The following BUB1B variants were observed in gnomAD, a reference collection of about 807,000 sequenced individuals.
The protein encoded by BUB1B is mitotic checkpoint serine/threonine-protein kinase BUB1 beta.
A neutral mutation model predicts 137.7 loss-of-function variants in BUB1B; 86 were observed. The ratio of observed to expected loss-of-function variants is 0.62; its 90% CI spans 0.52 to 0.75. The LOEUF is 0.75. Ranked by LOEUF, BUB1B falls within the 30% of genes least tolerant of loss-of-function variation. The pLI, the probability that BUB1B is intolerant of heterozygous loss-of-function variation, is 0.00. For missense variants in BUB1B, 1,130 were observed against 1,236.9 expected (o/e 0.91, Z 1.30); for synonymous variants, 420 against 417.9 (o/e 1.00, Z -0.06).
At chr15:40,171,878 AT>A (rs2037166784) in intron 4 of BUB1B, among the ~76,000 whole-genome samples, 1 of 152,172 alleles carries the variant, frequency 6.6e-6, no homozygotes, top group Non-Finnish European at 1.5e-5. Context: ...TATTAAAAAA[AT>A]GACCACCGTT....
rs2037500999 is a variant in BUB1B at position 40,196,628 on chromosome 15, G to C, written c.1142G>C (p.Arg381Thr). The C allele has an allele frequency of 1.2e-6, 2 of 1,613,990 alleles. No homozygotes were observed. Among genetic ancestry groups the C allele is most frequent in the Non-Finnish European group, 1.7e-6 (2 of 1,179,926 alleles). ...AAGGAAGAAGGAGATCCTCTACAAA[G>C]GGTTCAGAGCCATCAGCAAGCGTCT... ...PGKEEGDPLQRVQSHQQASEE... is the reference protein window; with the variant it reads ...PGKEEGDPLQTVQSHQQASEE... The change falls in exon 9 of 23, where the codon AGG becomes ACG. Residue 381 changes from arginine (R) to threonine (T), a missense_variant. Transcript: ENST00000287598.
At chr15:40,190,823 C>T (rs2037427337) in intron 8 of BUB1B, among the ~76,000 whole-genome samples, 1 of 151,942 alleles carries the variant, frequency 6.6e-6, no homozygotes, top group South Asian at 2.1e-4. Context: ...AAGGATGATT[C>T]ACATCCTAGG....
chr15:40,191,044 C>T (rs1595523265), intron 8 of BUB1B, among the ~76,000 whole-genome samples: 1 of 152,048 alleles, frequency 6.6e-6, no homozygotes, highest in Non-Finnish European at 1.5e-5. Flanking sequence ...TGTGCCATCA[C>T]ACCCAGGTAA....
intron 5 of BUB1B, among the ~76,000 whole-genome samples, chr15:40,183,073 GT>G (rs1012697151): frequency 2.0e-5 from 3 of 151,920 alleles, no homozygotes; most frequent in African/African-American, 7.2e-5. Context: ...GTTTTTTGGG[GT>G]TTTTTTTACC....
intron 1 of BUB1B, among the ~76,000 whole-genome samples, chr15:40,163,322 C>T (rs981535175): frequency 6.6e-6 from 1 of 152,102 alleles, no homozygotes; most frequent in African/African-American, 2.4e-5. Flanking sequence ...ACCTGTAATC[C>T]CAGCACTTCG....
chr15:40,192,172 T>C (rs2037446471), intron 8 of BUB1B, among the ~76,000 whole-genome samples: 1 of 152,238 alleles, frequency 6.6e-6, no homozygotes, highest in African/African-American at 2.4e-5. Flanking sequence ...TTCAGTGTTT[T>C]GTAGGTTTCA....
chr15:40,220,912 T>C lies in BUB1B; in HGVS notation c.*153T>C. 1 of 811,906 alleles carries C rather than the reference T, an allele frequency of 1.2e-6. No homozygotes were observed. The highest frequency in any genetic ancestry group is 2.7e-5 in the East Asian group (1 of 37,492). The allele number at this position is 811,906 out of a possible 1,614,324, so 50.3% of individuals were successfully genotyped here. On this transcript the variant is annotated 3_prime_UTR_variant, in exon 23 of 23. Transcript: ENST00000287598. ...TGGTACAGGTATATTTTGACGTCAC[T>C]GATATTTTTTATACAGTGATATACT...
Position 40,199,645 on chromosome 15 carries a change from C to G in BUB1B, c.1319C>G (p.Ala440Gly), listed in dbSNP as rs1301920527. The G allele has an allele frequency of 6.2e-7, 1 of 1,613,892 alleles. No homozygotes were observed. Among genetic ancestry groups the G allele is most frequent in the Admixed American group, 1.7e-5 (1 of 60,006 alleles). ...AELLTSAEKR[A>G]EMQKQIEEME... ...CTATTGACCAGTGCAGAGAAGAGAG[C>G]AGAAATGCAGAAACAGATTGAAGAG... The change falls in exon 10 of 23, where the codon GCA (alanine) becomes GGA (glycine). Residue 440 changes from alanine (A) to glycine (G), a missense_variant. Ala to Gly is a moderately conservative substitution (Grantham distance 60). Coordinates refer to ENST00000287598, the MANE Select transcript of BUB1B (RefSeq NM_001211.6).
intron 5 of BUB1B, among the ~76,000 whole-genome samples, chr15:40,178,428 T>C (rs2037246278): frequency 6.6e-6 from 1 of 152,096 alleles, no homozygotes; most frequent in Non-Finnish European, 1.5e-5. Flanking sequence ...TCAGAGAACA[T>C]AAGGTATATG....
At chr15:40,219,498 A>C (rs142381701) in intron 22 of BUB1B, among the ~76,000 whole-genome samples, 11 of 151,952 alleles carry the variant, frequency 7.2e-5, no homozygotes, top group Non-Finnish European at 1.6e-4. Context: ...GAGGCAGATT[A>C]CCTGAGGTCA....
intron 2 of BUB1B, 138 bp from the exon 3 acceptor site, chr15:40,169,924 T>C (rs2037142683): frequency 1.2e-6 from 1 of 809,282 alleles, no homozygotes; most frequent in African/African-American, 1.7e-5. Flanking sequence ...TTTTCTATTC[T>C]ATAACAAACC....
At chr15:40,161,343 G>A in intron 1 of BUB1B, 88 bp downstream of exon 1, 1 of 1,471,138 alleles carries the variant, frequency 6.8e-7, no homozygotes, top group Non-Finnish European at 9.2e-7. Context: ...GCAGTCGAGG[G>A]GGAGATCGGC....
At chr15:40,162,104 G>T (rs971625434) in intron 1 of BUB1B, among the ~76,000 whole-genome samples, 2 of 152,150 alleles carry the variant, frequency 1.3e-5, no homozygotes, top group African/African-American at 4.8e-5. Flanking sequence ...TGGGGGTGGG[G>T]ATTGGTGCAA....
At chr15:40,179,368 T>A (rs542581291) in intron 5 of BUB1B, among the ~76,000 whole-genome samples, 15 of 152,192 alleles carry the variant, frequency 9.9e-5, no homozygotes, top group Non-Finnish European at 8.8e-5. Flanking sequence ...ATAATACTGT[T>A]ATATTTGCGT....
intron 8 of BUB1B, 56 bp from the exon 9 acceptor site, chr15:40,196,489 C>T: frequency 7.0e-7 from 1 of 1,437,010 alleles, no homozygotes; most frequent in Non-Finnish European, 9.7e-7. Context: ...TTTTATCAAT[C>T]TTATTGATTT....
intron 8 of BUB1B, 138 bp downstream of exon 8, chr15:40,185,780 C>A (rs1255202357): frequency 3.7e-6 from 3 of 821,908 alleles, no homozygotes; most frequent in South Asian, 1.4e-5. Flanking sequence ...CACCTGTAAT[C>A]CCAGCACAGG....
intron 5 of BUB1B, among the ~76,000 whole-genome samples, chr15:40,180,209 A>G (rs891297811): frequency 6.7e-6 from 1 of 148,552 alleles, no homozygotes; most frequent in Non-Finnish European, 1.5e-5. Flanking sequence ...TTCCTGAAAA[A>G]TATTTTTACT....
intron 5 of BUB1B, among the ~76,000 whole-genome samples, chr15:40,177,532 A>G (rs906906925): frequency 3.3e-5 from 5 of 152,108 alleles, no homozygotes; most frequent in Non-Finnish European, 7.4e-5. Flanking sequence ...AAATCAGTTG[A>G]TCATATTCAT....
At chr15:40,215,118 C>CT (rs1363017750) in intron 20 of BUB1B, among the ~76,000 whole-genome samples, 2 of 152,118 alleles carry the variant, frequency 1.3e-5, no homozygotes, top group Non-Finnish European at 2.9e-5. Context: ...TTGCTTTTTA[C>CT]TTTGTCACTG....
Sources: allele counts gnomAD v4.1 joint callset (sites outside exome capture counted in the v4.1 genomes callset), GRCh38; gene constraint gnomAD v4.1.1; transcripts MANE v1.5; gene names NCBI Gene and HGNC (gene_info 2026-07-23, HGNC 2026-07-21).